Variants in ANKRD55 observed in about 807,000 individuals in gnomAD.
The protein encoded by ANKRD55 is ankyrin repeat domain 55.
In ANKRD55, 41 loss-of-function variants were observed where a neutral mutation model predicts 60.6. That is an observed-to-expected ratio of 0.68 (90% confidence interval 0.53 to 0.88). The LOEUF (loss-of-function observed/expected upper bound fraction) is 0.88, where lower values mean the gene tolerates loss of function less well. Among genes scored for constraint, ANKRD55 ranks in the 40% least tolerant of loss-of-function variants. The probability of loss-of-function intolerance (pLI) is 0.00; values close to 1 mark genes in which losing one functional copy is unlikely to be tolerated. For synonymous variants in ANKRD55, 264 were observed against 290.3 expected, an observed-to-expected ratio of 0.91 and a Z score of 0.92; for missense variants, 732 against 767.6, an observed-to-expected ratio of 0.95 and a Z score of 0.55.
At chr5:56,127,365 A>T (rs953449286) in intron 7 of ANKRD55, 112 of 985,202 alleles carry the variant, frequency 1.1e-4, no homozygotes, top group Non-Finnish European at 1.3e-4. Context: ...CTAGTGAACG[A>T]AGGATGGATT....
intron 3 of ANKRD55, among the ~76,000 whole-genome samples, chr5:56,181,245 A>G (rs1758843482): frequency 6.6e-6 from 1 of 152,178 alleles, no homozygotes; most frequent in Non-Finnish European, 1.5e-5. Context: ...ACTATGCTGA[A>G]TTGGAGTGGT....
At chr5:56,134,653 G>A (rs1371732910) in intron 7 of ANKRD55, among the ~76,000 whole-genome samples, 2 of 151,842 alleles carry the variant, frequency 1.3e-5, no homozygotes, top group East Asian at 1.9e-4. Flanking sequence ...AGGCTCAGAT[G>A]TATTCACTGG....
intron 8 of ANKRD55, among the ~76,000 whole-genome samples, chr5:56,123,002 G>A (rs1410221044): frequency 6.6e-6 from 1 of 152,068 alleles, no homozygotes; most frequent in Non-Finnish European, 1.5e-5. Context: ...CTGGGCTCAA[G>A]GGATTCATCT....
chr5:56,212,562 C>G (rs1249399235), intron 2 of ANKRD55, among the ~76,000 whole-genome samples: 2 of 152,140 alleles, frequency 1.3e-5, no homozygotes, highest in Non-Finnish European at 2.9e-5. Context: ...AGGCACTGTC[C>G]TAACAATTTT....
At chr5:56,183,491 C>G (rs1287065275) in intron 3 of ANKRD55, 21 bp downstream of exon 3, 2 of 1,612,782 alleles carry the variant, frequency 1.2e-6, no homozygotes, top group South Asian at 1.1e-5. Context: ...ATTCTGGATT[C>G]AAAATGCATA....
chr5:56,162,672 A>ATT lies in ANKRD55; in HGVS notation c.423-2780_423-2779insAA, dbSNP rs148386596. Among the ~76,000 whole-genome samples, 1,035 of 147,078 alleles carry ATT rather than the reference A, an allele frequency of 7.0e-3. 14 individuals carry two copies. Among genetic ancestry groups the ATT allele is most frequent in the Middle Eastern group, 0.028 (8 of 282 alleles). ...ATCTCTTGTTGGTCAATTTTTGGTC[A>ATT]ATTTTTTTTTTTTTTGAGACAAGCT... On this transcript the variant is annotated intron_variant, in intron 5 of 11. Transcript: ENST00000341048.
chr5:56,160,086 T>G (rs565503044), intron 5 of ANKRD55, among the ~76,000 whole-genome samples, 193 bp from the exon 6 acceptor site: 2 of 152,246 alleles, frequency 1.3e-5, no homozygotes, highest in South Asian at 4.2e-4. Flanking sequence ...AAGACACCTG[T>G]GTGGAGGGCT....
At chr5:56,185,576 G>C (rs1758949780) in intron 2 of ANKRD55, among the ~76,000 whole-genome samples, 1 of 151,880 alleles carries the variant, frequency 6.6e-6, no homozygotes, top group Non-Finnish European at 1.5e-5. Context: ...GCTGGGGCAG[G>C]AGAATTGCTT....
intron 7 of ANKRD55, among the ~76,000 whole-genome samples, chr5:56,140,473 A>G (rs764273150): frequency 1.3e-5 from 2 of 152,198 alleles, no homozygotes; most frequent in Non-Finnish European, 2.9e-5. Flanking sequence ...GAATGCAAAC[A>G]TGCTCACACA....
chr5:56,170,043 A>T (rs760027339), intron 5 of ANKRD55, among the ~76,000 whole-genome samples: 4 of 152,026 alleles, frequency 2.6e-5, no homozygotes, highest in Admixed American at 6.6e-5. Context: ...TGATCATCCA[A>T]TTTACTTCAG....
chr5:56,173,539 C>T (rs915667021), intron 4 of ANKRD55, among the ~76,000 whole-genome samples: 4 of 101,728 alleles, frequency 3.9e-5, no homozygotes, highest in Non-Finnish European at 7.6e-5. Context: ...TGTAGAGATT[C>T]GCCTCTCTCT....
intron 2 of ANKRD55, among the ~76,000 whole-genome samples, chr5:56,192,176 ACATGAGGAG>A (rs1225736950): frequency 6.6e-6 from 1 of 152,134 alleles, no homozygotes; most frequent in Non-Finnish European, 1.5e-5. Flanking sequence ...CACACTGCTT[ACATGAGGAG>A]CATGTTTTGA....
intron 2 of ANKRD55, among the ~76,000 whole-genome samples, chr5:56,229,080 C>G (rs1362558618): frequency 6.7e-6 from 1 of 148,720 alleles, no homozygotes; most frequent in Non-Finnish European, 1.5e-5. Context: ...CACCTCCCGC[C>G]GACCCCTCGC....
At chr5:56,171,943 C>T (rs1440701511) in intron 4 of ANKRD55, among the ~76,000 whole-genome samples, 2 of 152,110 alleles carry the variant, frequency 1.3e-5, no homozygotes, top group East Asian at 3.9e-4. Flanking sequence ...AAGGTTGAAA[C>T]CCCATCTCTA....
In ANKRD55 at chr5:56,157,600, C is replaced by T. The variant is rs114007701; in HGVS notation, c.483+2233G>A. ...TAGGGCTGGAGATGAGACACGCTGG[C>T]GGCAATACTGCTCTTTAAGGCATTG... On this transcript the variant is annotated intron_variant, in intron 6 of 11. Coordinates refer to ENST00000341048, the MANE Select transcript of ANKRD55 (RefSeq NM_024669.3). Among the ~76,000 whole-genome samples, 404 of 152,304 alleles carry T rather than the reference C, an allele frequency of 2.7e-3. 3 individuals carry two copies. The highest frequency in any genetic ancestry group is 4.3e-3 in the South Asian group (21 of 4,830).
chr5:56,112,257 C>T (rs1211679023), intron 9 of ANKRD55, among the ~76,000 whole-genome samples: 2 of 152,146 alleles, frequency 1.3e-5, no homozygotes, highest in African/African-American at 2.4e-5. Context: ...TTTAGGCTTT[C>T]TCTGACAGAG....
intron 5 of ANKRD55, among the ~76,000 whole-genome samples, chr5:56,170,433 G>T (rs1032784020): frequency 5.9e-5 from 9 of 152,094 alleles, no homozygotes; most frequent in African/African-American, 2.2e-4. Context: ...TTAATGGAAT[G>T]AATGAATATA....
intron 8 of ANKRD55, chr5:56,117,068 G>C (rs578212655): frequency 1.6e-3 from 393 of 249,624 alleles, no homozygotes; most frequent in Non-Finnish European, 2.1e-3. Flanking sequence ...CAGTTTTGAG[G>C]TTCTTTATAC....
intron 4 of ANKRD55, among the ~76,000 whole-genome samples, chr5:56,174,508 T>C (rs941264894): frequency 6.6e-6 from 1 of 152,192 alleles, no homozygotes; most frequent in African/African-American, 2.4e-5. Context: ...GACAGCCATA[T>C]GTCTGTCTGA....
Sources: gnomAD v4.1 joint callset for allele counts (sites outside exome capture counted in the v4.1 genomes callset) on GRCh38, gnomAD v4.1.1 for gene constraint, MANE v1.5 for transcripts, NCBI Gene and HGNC (gene_info 2026-07-23, HGNC 2026-07-21) for gene names.